DDX18: variants seen among roughly 807,000 people sequenced by gnomAD.
DDX18 encodes DEAD-box helicase 18.
A neutral mutation model predicts 73.5 loss-of-function variants in DDX18; 23 were observed. The ratio of observed to expected loss-of-function variants is 0.31; its 90% CI spans 0.23 to 0.44. The LOEUF is 0.44. Ranked by LOEUF, DDX18 falls within the 20% of genes least tolerant of loss-of-function variation. The pLI, the probability that DDX18 is intolerant of heterozygous loss-of-function variation, is 1.00. For missense variants in DDX18, 753 were observed against 792.9 expected (o/e 0.95, Z 0.60); for synonymous variants, 268 against 282.7 (o/e 0.95, Z 0.52).
chr2:117,819,940 T>C (rs895803241), intron 3 of DDX18, 148 bp downstream of exon 3: 2 of 738,600 alleles, frequency 2.7e-6, no homozygotes, highest in Non-Finnish European at 3.9e-6. Flanking sequence ...TTCTGCTGCT[T>C]TTTCTCTTTA....
At position 117,831,310 on chromosome 2, in the gene DDX18, T is replaced by C. The variant is rs1680020647; in HGVS notation, c.*586T>C. 6.6e-6 allele frequency: 1 copy of C among 152,266 alleles called. No homozygotes were observed. Among genetic ancestry groups the C allele is most frequent in the Non-Finnish European group, 1.5e-5 (1 of 68,068 alleles). The allele number at this position is 152,266 out of a possible 1,614,324, so 9.4% of individuals were successfully genotyped here. A position where few individuals can be genotyped will look rare whatever the true frequency, so the allele number is the denominator to read the frequency against. On this transcript the variant is annotated 3_prime_UTR_variant, in exon 14 of 14. Coordinates refer to ENST00000263239, the MANE Select transcript of DDX18 (RefSeq NM_006773.4). ...CATTGCTTTTATAGATTCTTGATTT[T>C]AAAGCAACAGGCCTTTCTCAGGTGT...
chr2:117,818,221 A>T (rs1380138670), intron 2 of DDX18, among the ~76,000 whole-genome samples: 4 of 152,226 alleles, frequency 2.6e-5, no homozygotes, highest in African/African-American at 7.2e-5. Context: ...GAAAGAATGG[A>T]CATTATAATT....
In DDX18 at chr2:117,824,931, G is replaced by A. The variant is rs187619593; in HGVS notation, c.1207-9G>A. The stretch of plus-strand genomic sequence containing the variant: ...TTCATTTGTATCTGTCTGCTTAAAC[G>A]CTTTCTAGGGATATGTTGTTTGTCC... On this transcript the variant is annotated splice_polypyrimidine_tract_variant and intron_variant, in intron 8 of 13. Transcript: ENST00000263239. 3.3e-5 allele frequency: 52 copies of A among 1,597,804 alleles called. No individual in the cohort carries two copies. The highest frequency in any genetic ancestry group is 9.0e-5 in the Admixed American group (5 of 55,384).
In DDX18 at chr2:117,821,951, A is replaced by G. The variant is rs1679852989; in HGVS notation, c.841A>G (p.Thr281Ala). The change falls in exon 6 of 14, where the codon ACC (threonine) becomes GCC (alanine). Residue 281 changes from threonine to alanine, a missense_variant. Coordinates refer to ENST00000263239, the MANE Select transcript of DDX18 (RefSeq NM_006773.4). ...LKELMTHHVHTYGLIMGGSNR... is the reference protein window; with the variant it reads ...LKELMTHHVHAYGLIMGGSNR... ...GGAGCTGATGACTCACCACGTGCAT[A>G]CCTATGGCTTGATAATGGGTGGCAG... 3 of 1,614,072 alleles carry G rather than the reference A, an allele frequency of 1.9e-6. No individual in the cohort carries two copies. The East Asian group carries it at 6.7e-5, about 36-fold the overall frequency.
Position 117,824,693 on chromosome 2 carries a change from GGATGGTCTT to G in DDX18, c.1194_1202del (p.Asp398_Leu400del), listed in dbSNP as rs1325051825. Reference sequence around the variant, plus strand: ...ATGATGATAAAGCGAATGCAACAGTGGATGGTCTTGAACAGGTACTTTTTATCAATAACT... The same window carrying G: ...ATGATGATAAAGCGAATGCAACAGTGGAACAGGTACTTTTTATCAATAACT... On this transcript the variant is annotated inframe_deletion, in exon 8 of 14. Coordinates refer to ENST00000263239, the MANE Select transcript of DDX18 (RefSeq NM_006773.4). 1.4e-6 allele frequency: 2 copies of G among 1,478,014 alleles called. No homozygotes were observed. The highest frequency in any genetic ancestry group is 1.8e-6 in the Non-Finnish European group (2 of 1,114,490). The allele number at this position is 1,478,014 out of a possible 1,614,324, so 91.6% of individuals were successfully genotyped here. A position where few individuals can be genotyped will look rare whatever the true frequency, so the allele number is the denominator to read the frequency against.
chr2:117,823,429 C>CG (rs1352739239), intron 7 of DDX18, among the ~76,000 whole-genome samples: 5 of 152,046 alleles, frequency 3.3e-5, no homozygotes, highest in Non-Finnish European at 7.4e-5. Flanking sequence ...TCCAATTGCT[C>CG]GTTGCTTTAA....
In DDX18 at chr2:117,832,309, A is replaced by G. The variant is rs866984738; in HGVS notation, c.*1585A>G. 6.6e-6 allele frequency: 1 copy of G among 152,126 alleles called. No individual in the cohort carries two copies. The highest frequency in any genetic ancestry group is 2.1e-4 in the South Asian group (1 of 4,822). 9.4% of individuals were successfully genotyped at this position (152,126 alleles called of 1,614,324 possible). On this transcript the variant is annotated 3_prime_UTR_variant, in exon 14 of 14. Transcript: ENST00000263239. Reference sequence around the variant, plus strand: ...TTATCAAAAATTAAGTCATCTACCTACTACTTGTAACCAGCTTGTTTCATA... The same window carrying G: ...TTATCAAAAATTAAGTCATCTACCTGCTACTTGTAACCAGCTTGTTTCATA...
In DDX18 at chr2:117,831,853, A is replaced by G. The variant is rs1425748336; in HGVS notation, c.*1129A>G. ...GTTTTGTACAGTATATAACTACAAGATAGTACATTTTGTAGCAGTTCAAAG... is the reference window on the plus strand; with the variant it reads ...GTTTTGTACAGTATATAACTACAAGGTAGTACATTTTGTAGCAGTTCAAAG... On this transcript the variant is annotated 3_prime_UTR_variant, in exon 14 of 14. Transcript: ENST00000263239. 1 of 152,240 alleles carries G rather than the reference A, an allele frequency of 6.6e-6. No individual in the cohort carries two copies. Among genetic ancestry groups the G allele is most frequent in the African/African-American group, 2.4e-5 (1 of 41,462 alleles). 9.4% of individuals were successfully genotyped at this position (152,240 alleles called of 1,614,324 possible). A position where few individuals can be genotyped will look rare whatever the true frequency, so the allele number is the denominator to read the frequency against.
Position 117,828,972 on chromosome 2 carries a change from T to A in DDX18, c.1659T>A (p.Phe553Leu). 1 of 1,612,626 alleles carries A rather than the reference T, an allele frequency of 6.2e-7. No individual in the cohort carries two copies. The highest frequency in any genetic ancestry group is 8.5e-7 in the Non-Finnish European group (1 of 1,178,736). ...AGGTTCCATTAAGTGAATTTGACTT[T>A]TCCTGGTCTAAAATTTCTGACATTC... ...QSKVPLSEFD[F>L]SWSKISDIQS... Residue 553 changes from phenylalanine to leucine, a missense_variant, in exon 12 of 14, where the codon TTT (phenylalanine) becomes TTA (leucine). Coordinates refer to ENST00000263239, the MANE Select transcript of DDX18 (RefSeq NM_006773.4).
intron 13 of DDX18, 138 bp downstream of exon 13, chr2:117,829,604 C>A: frequency 1.2e-6 from 1 of 821,022 alleles, no homozygotes; most frequent in Non-Finnish European, 1.9e-6. Context: ...TCGATGTCTG[C>A]TTTTCTGTGC....
Position 117,819,807 on chromosome 2 carries a change from G to C in DDX18, c.514+15G>C. The C allele has an allele frequency of 6.4e-7, 1 of 1,550,980 alleles. No homozygotes were observed. Among genetic ancestry groups the C allele is most frequent in the Non-Finnish European group, 8.7e-7 (1 of 1,153,946 alleles). ...GGGACTGACAGGTAACGTCCAGGAAGTTTTCTAGAGGTAACTTCTTTAAAA... is the reference window on the plus strand; with the variant it reads ...GGGACTGACAGGTAACGTCCAGGAACTTTTCTAGAGGTAACTTCTTTAAAA... On this transcript the variant is annotated intron_variant, in intron 3 of 13. Transcript: ENST00000263239.
At chr2:117,830,487 G>T in intron 13 of DDX18, 95 bp from the exon 14 acceptor site, 2 of 1,390,500 alleles carry the variant, frequency 1.4e-6, no homozygotes, top group South Asian at 1.4e-5. Context: ...GGTTGTGGAG[G>T]AACAGTAGTG....
chr2:117,816,679 AG>A (rs1247304207), intron 1 of DDX18, among the ~76,000 whole-genome samples: 1 of 152,236 alleles, frequency 6.6e-6, no homozygotes, highest in Non-Finnish European at 1.5e-5. Context: ...CACATAAACA[AG>A]TAACATAGTT....
intron 13 of DDX18, 50 bp from the exon 14 acceptor site, chr2:117,830,532 A>C: frequency 6.3e-7 from 1 of 1,593,492 alleles, no homozygotes; most frequent in Non-Finnish European, 8.5e-7. Flanking sequence ...TAGATGTTAG[A>C]TTGGAGTTCA....
In DDX18 at chr2:117,821,888, A is replaced by G; in HGVS notation, c.778A>G (p.Thr260Ala). 2.5e-6 allele frequency: 4 copies of G among 1,614,046 alleles called. No individual in the cohort carries two copies. The highest frequency in any genetic ancestry group is 2.2e-5 in the East Asian group (1 of 44,880). ...NGTGVLILSP[T>A]RELAMQTFGV... ...AACAGGAGTCCTTATTCTCTCACCT[A>G]CTAGAGAACTAGCCATGCAAACCTT... is the stretch of plus-strand genomic sequence containing the variant. The change falls in exon 6 of 14, where the codon ACT (threonine) becomes GCT (alanine). Residue 260 changes from threonine to alanine, a missense_variant. Thr to Ala is a moderately conservative substitution (Grantham distance 58). Transcript: ENST00000263239.
At chr2:117,829,528 T>A in intron 13 of DDX18, 62 bp downstream of exon 13, 2 of 1,496,276 alleles carry the variant, frequency 1.3e-6, no homozygotes, top group South Asian at 2.5e-5. Context: ...CAGAGGGGCA[T>A]TTGGGGCTTT....
intron 11 of DDX18, chr2:117,826,720 A>C: frequency 3.9e-6 from 1 of 257,446 alleles, no homozygotes; most frequent in South Asian, 6.0e-5. Context: ...CTTTCCTCTT[A>C]CCTCATGTGA....
Position 117,814,750 on chromosome 2 carries a change from G to A in DDX18, c.-28G>A, listed in dbSNP as rs753338336. On this transcript the variant is annotated 5_prime_UTR_variant, in exon 1 of 14. Transcript: ENST00000263239. Reference sequence around the variant, plus strand: ...GAACTGAGTAGCTGTACTGTGTGGCGCCTTATTCTAGGCACTTGTTGGGCA... The same window carrying A: ...GAACTGAGTAGCTGTACTGTGTGGCACCTTATTCTAGGCACTTGTTGGGCA... 3 of 1,612,496 alleles carry A rather than the reference G, an allele frequency of 1.9e-6. No homozygotes were observed. The highest frequency in any genetic ancestry group is 2.5e-6 in the Non-Finnish European group (3 of 1,178,554).
At chr2:117,824,736 T>C in intron 8 of DDX18, 28 bp downstream of exon 8, 1 of 1,468,870 alleles carries the variant, frequency 6.8e-7, no homozygotes, top group South Asian at 1.6e-5. Flanking sequence ...CTGAAAACTG[T>C]AGGGATCTTA....
Sources: allele counts gnomAD v4.1 joint callset (sites outside exome capture counted in the v4.1 genomes callset), GRCh38; gene constraint gnomAD v4.1.1; transcripts MANE v1.5; gene names NCBI Gene and HGNC (gene_info 2026-07-23, HGNC 2026-07-21).